The following GRM8 variants were observed in gnomAD, a reference collection of about 807,000 sequenced individuals.
GRM8 encodes the protein metabotropic glutamate receptor 8.
In GRM8, 47 loss-of-function variants were observed where a neutral mutation model predicts 87.2. That is an observed-to-expected ratio of 0.54 (90% CI 0.43 to 0.69). The LOEUF (loss-of-function observed/expected upper bound fraction) is 0.69. Among genes scored for constraint, GRM8 ranks in the 30% least tolerant of loss-of-function variants. The pLI is 0.00. For missense variants in GRM8, 1,019 were observed against 1,139.2 expected (o/e 0.89, Z 1.52); for synonymous variants, 396 against 404.5 (o/e 0.98, Z 0.25).
rs1456823123 is a variant in GRM8 at position 126,713,680 on chromosome 7, C to T, written c.1357+56185G>A. Among the ~76,000 whole-genome samples the T allele has an allele frequency of 2.0e-5, 3 of 149,000 alleles. No individual in the cohort carries two copies. The East Asian group carries it at 6.0e-4, about 30-fold the overall frequency. On this transcript the variant is annotated intron_variant, in intron 7 of 10. Transcript: ENST00000339582. ...GCTGAGCTCATAGAAGCAGATAATACAGTGGCATTCTTCAAAGGCTAGTGG... is the reference window on the plus strand; with the variant it reads ...GCTGAGCTCATAGAAGCAGATAATATAGTGGCATTCTTCAAAGGCTAGTGG...
chr7:126,721,895 T>G (rs1203010137), intron 7 of GRM8, among the ~76,000 whole-genome samples: 2 of 152,148 alleles, frequency 1.3e-5, no homozygotes, highest in Non-Finnish European at 2.9e-5. Flanking sequence ...TTCTGATTTT[T>G]TTGTTGTTGT....
chr7:127,182,580 T>G (rs2116420671), intron 2 of GRM8, among the ~76,000 whole-genome samples: 1 of 150,954 alleles, frequency 6.6e-6, no homozygotes, highest in African/African-American at 2.4e-5. Flanking sequence ...AATAGCGAAA[T>G]TGTGGAACCA....
chr7:126,974,198 T>A (rs1241490723), intron 3 of GRM8, among the ~76,000 whole-genome samples: 2 of 152,248 alleles, frequency 1.3e-5, no homozygotes, highest in Non-Finnish European at 2.9e-5. Context: ...TCACTATGTA[T>A]GTGTAAATAT....
intron 5 of GRM8, 44 bp from the exon 6 acceptor site, chr7:126,902,723 T>C: frequency 7.2e-7 from 1 of 1,384,278 alleles, no homozygotes; most frequent in South Asian, 1.4e-5. Flanking sequence ...TCTTTCAAAA[T>C]TAAATATTGT....
At chr7:127,058,654 G>C (rs1365132857) in intron 3 of GRM8, among the ~76,000 whole-genome samples, 2 of 152,136 alleles carry the variant, frequency 1.3e-5, no homozygotes, top group African/African-American at 4.8e-5. Context: ...AGTAATGGAG[G>C]ATAGGAGGCA....
At chr7:126,916,752 G>A (rs1803948628) in intron 3 of GRM8, among the ~76,000 whole-genome samples, 1 of 152,158 alleles carries the variant, frequency 6.6e-6, no homozygotes. Flanking sequence ...TATTATTTTA[G>A]CCAAATAACC....
At chr7:127,123,256 C>T (rs1180011438) in intron 2 of GRM8, among the ~76,000 whole-genome samples, 1 of 152,122 alleles carries the variant, frequency 6.6e-6, no homozygotes, top group African/African-American at 2.4e-5. Context: ...TATACAACTG[C>T]TACGGTTTGA....
At chr7:127,141,825 C>T (rs139599022) in intron 2 of GRM8, among the ~76,000 whole-genome samples, 7 of 152,258 alleles carry the variant, frequency 4.6e-5, no homozygotes, top group African/African-American at 1.4e-4. Flanking sequence ...TCCAAACCAG[C>T]TCAGGCACAG....
chr7:127,222,368 A>G (rs1796993167), intron 2 of GRM8, among the ~76,000 whole-genome samples: 2 of 152,190 alleles, frequency 1.3e-5, no homozygotes, highest in South Asian at 4.1e-4. Flanking sequence ...AGATCACGTT[A>G]CTGCACTCCA....
At chr7:127,107,489 T>C (rs1262236503) in intron 2 of GRM8, among the ~76,000 whole-genome samples, 1 of 152,216 alleles carries the variant, frequency 6.6e-6, no homozygotes, top group Non-Finnish European at 1.5e-5. Context: ...TGTGATTGTG[T>C]ATAGTAACTC....
chr7:127,153,791 A>T (rs1792551435), intron 2 of GRM8, among the ~76,000 whole-genome samples: 1 of 152,150 alleles, frequency 6.6e-6, no homozygotes, highest in Non-Finnish European at 1.5e-5. Context: ...CAAATATCTG[A>T]ATTGTCTGAA....
At chr7:126,791,277 C>A (rs903212562) in intron 6 of GRM8, among the ~76,000 whole-genome samples, 5 of 152,136 alleles carry the variant, frequency 3.3e-5, no homozygotes. Flanking sequence ...ATTGATATAT[C>A]TTCTCTTGCT....
intron 8 of GRM8, among the ~76,000 whole-genome samples, chr7:126,578,970 C>T (rs1303649564): frequency 6.6e-6 from 1 of 152,176 alleles, no homozygotes; most frequent in East Asian, 1.9e-4. Flanking sequence ...CCCACATTTA[C>T]TGAGAATCTA....
At chr7:126,662,151 G>T (rs1302870280) in intron 7 of GRM8, among the ~76,000 whole-genome samples, 1 of 152,042 alleles carries the variant, frequency 6.6e-6, no homozygotes, top group Non-Finnish European at 1.5e-5. Context: ...TCCAGGGATT[G>T]GGAAGCTTAA....
intron 2 of GRM8, among the ~76,000 whole-genome samples, chr7:127,217,632 A>G (rs1030795265): frequency 5.9e-5 from 9 of 152,196 alleles, no homozygotes; most frequent in Non-Finnish European, 1.2e-4. Context: ...TTCAGCAGCT[A>G]TAAAACCAGG....
At chr7:126,616,289 G>A (rs866090101) in intron 7 of GRM8, among the ~76,000 whole-genome samples, 7 of 152,290 alleles carry the variant, frequency 4.6e-5, no homozygotes, top group South Asian at 2.1e-4. Flanking sequence ...GGTACATAAC[G>A]AAATGAAGTC....
intron 7 of GRM8, among the ~76,000 whole-genome samples, chr7:126,723,952 C>T (rs1239460843): frequency 6.6e-6 from 1 of 152,148 alleles, no homozygotes; most frequent in Non-Finnish European, 1.5e-5. Context: ...ATGATGCACT[C>T]CTGGCCTCCA....
intron 8 of GRM8, among the ~76,000 whole-genome samples, chr7:126,556,943 G>GAAAGAAAT (rs899493322): frequency 6.6e-6 from 1 of 152,118 alleles, no homozygotes; most frequent in African/African-American, 2.4e-5. Flanking sequence ...AAAACTACTT[G>GAAAGAAAT]AAAGAAATAT....
At chr7:126,576,520 C>A (rs923648904) in intron 8 of GRM8, among the ~76,000 whole-genome samples, 1 of 152,002 alleles carries the variant, frequency 6.6e-6, no homozygotes, top group Non-Finnish European at 1.5e-5. Flanking sequence ...TGAGGTGAAG[C>A]GATTCATCCA....
Sources: allele counts gnomAD v4.1 joint callset (sites outside exome capture counted in the v4.1 genomes callset), GRCh38; gene constraint gnomAD v4.1.1; transcripts MANE v1.5; gene names NCBI Gene and HGNC (gene_info 2026-07-23, HGNC 2026-07-21).